Variants in BLOC1S3 observed in about 807,000 individuals in gnomAD.
The protein encoded by BLOC1S3 is biogenesis of lysosome-related organelles complex 1 subunit 3.
A neutral mutation model predicts 9.1 loss-of-function variants in BLOC1S3; 7 were observed. That is an observed-to-expected ratio of 0.77 (90% confidence interval 0.44 to 1.45). The LOEUF is 1.45. Among genes scored for constraint, BLOC1S3 ranks in the 40% most tolerant of loss-of-function variants. BLOC1S3 has a pLI of 0.01. For synonymous variants in BLOC1S3, 145 were observed against 158.4 expected (o/e 0.92, Z 0.64); for missense variants, 307 against 315.2 (o/e 0.97, Z 0.20).
chr19:45,203,049 C>T (rs968470623), intron 3 of BLOC1S3, among the ~76,000 whole-genome samples: 3 of 151,774 alleles, frequency 2.0e-5, no homozygotes, highest in South Asian at 2.1e-4. Flanking sequence ...CTTGACTTTT[C>T]GTCTCCTCTT....
chr19:45,197,117 C>T (rs905292220), intron 2 of BLOC1S3, among the ~76,000 whole-genome samples: 1 of 150,306 alleles, frequency 6.7e-6, no homozygotes, highest in East Asian at 2.0e-4. Flanking sequence ...TCCTTTACTC[C>T]CTTATGGCTG....
At position 45,181,134 on chromosome 19, in the gene BLOC1S3, C is replaced by T. The variant is rs1969515814; in HGVS notation, c.*1229C>T. The stretch of plus-strand genomic sequence containing the variant: ...CTCCTCCCCTTTGAGCTTAGCCCCG[C>T]CCTCTCAGCCTGATTTCTGTTTCCC... On this transcript the variant is annotated 3_prime_UTR_variant, in exon 2 of 2. Transcript: ENST00000433642. The T allele has an allele frequency of 6.0e-6, 1 of 167,602 alleles. No homozygotes were observed. Among genetic ancestry groups the T allele is most frequent in the Admixed American group, 6.5e-5 (1 of 15,294 alleles). The allele number at this position is 167,602 out of a possible 1,614,324, so 10.4% of individuals were successfully genotyped here. A position where few individuals can be genotyped will look rare whatever the true frequency, so the allele number is the denominator to read the frequency against.
chr19:45,195,567 C>CTCCCTCCT (rs1555753745), intron 2 of BLOC1S3, among the ~76,000 whole-genome samples: 5,429 of 130,018 alleles, frequency 0.042, 171 homozygotes, highest in Non-Finnish European at 0.065. Flanking sequence ...CCTTCCCTCC[C>CTCCCTCCT]TCCCTCCCTC....
chr19:45,209,296 A>G (rs1599757088), intron 3 of BLOC1S3, among the ~76,000 whole-genome samples: 1 of 151,988 alleles, frequency 6.6e-6, no homozygotes, highest in Non-Finnish European at 1.5e-5. Context: ...TGATCCGCCC[A>G]CCTTGGCCTC....
chr19:45,179,590 G>GGCCCCGGCGCCC lies in BLOC1S3; in HGVS notation c.300_311dup (p.Pro102_Ala105dup). ...CGGAGGAGGCCTGGGGCACGGAGGA[G>GGCCCCGGCGCCC]GCCCCGGCGCCCGCCCCCGCGCGCT... On this transcript the variant is annotated inframe_insertion, in exon 2 of 2. Coordinates refer to ENST00000433642, the MANE Select transcript of BLOC1S3 (RefSeq NM_212550.5). This position sits in a 1 kb window ranked among gnomAD's most constrained non-coding sequence, Gnocchi z 4.6. The GGCCCCGGCGCCC allele has an allele frequency of 1.3e-6, 2 of 1,483,080 alleles. No homozygotes were observed. The highest frequency in any genetic ancestry group is 1.8e-6 in the Non-Finnish European group (2 of 1,123,568). The allele number at this position is 1,483,080 out of a possible 1,614,324, so 91.9% of individuals were successfully genotyped here. A position where few individuals can be genotyped will look rare whatever the true frequency, so the allele number is the denominator to read the frequency against.
At chr19:45,188,654 C>T (rs1309648507) in intron 2 of BLOC1S3, among the ~76,000 whole-genome samples, 1 of 150,648 alleles carries the variant, frequency 6.6e-6, no homozygotes, top group Non-Finnish European at 1.5e-5. Flanking sequence ...CTCATTGCAA[C>T]CTGTGACTCC....
At chr19:45,196,456 C>G (rs1369151064) in intron 2 of BLOC1S3, among the ~76,000 whole-genome samples, 2 of 152,090 alleles carry the variant, frequency 1.3e-5, no homozygotes, top group Non-Finnish European at 2.9e-5. Flanking sequence ...TCTGACCCCT[C>G]TGGGTGGTCC....
At chr19:45,203,015 A>T (rs956085410) in intron 3 of BLOC1S3, among the ~76,000 whole-genome samples, 1 of 151,836 alleles carries the variant, frequency 6.6e-6, no homozygotes, top group African/African-American at 2.4e-5. Flanking sequence ...CTGAGCTGGT[A>T]TCCAAGTTGC....
intron 2 of BLOC1S3, among the ~76,000 whole-genome samples, chr19:45,188,732 C>T (rs1262735223): frequency 6.6e-6 from 1 of 151,838 alleles, no homozygotes; most frequent in African/African-American, 2.4e-5. Flanking sequence ...GCCCCCATGC[C>T]TGGCTAATTT....
rs536261489 is a variant in BLOC1S3 at position 45,213,240 on chromosome 19, G to A, written n.283-3436G>A. 13 of 1,613,148 alleles carry A rather than the reference G, an allele frequency of 8.1e-6. No homozygotes were observed. In the Admixed American group the frequency reaches 1.5e-4, roughly 19 times the overall value. On this transcript the variant is annotated intron_variant and non_coding_transcript_variant, in intron 3 of 3. Transcript: ENST00000591569. ...CTGCAAAGAAGGCACGGTCCCGAGG[G>A]GGTGACAGGGCTCCCTCCTCAGAGA... is the stretch of plus-strand genomic sequence containing the variant.
At chr19:45,185,973 C>A (rs945087979), downstream of BLOC1S3, among the ~76,000 whole-genome samples, 1 of 151,966 alleles carries the variant, frequency 6.6e-6, no homozygotes, top group African/African-American at 2.4e-5. Flanking sequence ...TCATTCTGGG[C>A]GTGGTGGTGT....
chr19:45,212,907 C>T, intron 3 of BLOC1S3: 1 of 777,206 alleles, frequency 1.3e-6, no homozygotes, highest in Non-Finnish European at 1.8e-6. Context: ...GCGTTTGTTT[C>T]CCTTCTGTAC....
chr19:45,182,519 C>G (rs933669141), downstream of BLOC1S3, among the ~76,000 whole-genome samples: 3 of 151,910 alleles, frequency 2.0e-5, no homozygotes, highest in Non-Finnish European at 2.9e-5. Flanking sequence ...AATACATTAG[C>G]CAGGCGTGGT....
chr19:45,183,524 G>T (rs983130039), downstream of BLOC1S3, among the ~76,000 whole-genome samples: 3 of 150,352 alleles, frequency 2.0e-5, no homozygotes, highest in Non-Finnish European at 4.4e-5. Context: ...CCTCCCTCCT[G>T]AGCACTCCCT....
In BLOC1S3 at chr19:45,179,445, G is replaced by T. The variant is rs1276561606; in HGVS notation, c.149G>T (p.Arg50Leu). ...YLGPSGPTRGRPTGLRVAGEA... is the reference protein window; with the variant it reads ...YLGPSGPTRGLPTGLRVAGEA... The stretch of plus-strand genomic sequence containing the variant: ...GGTCCTTCGGGCCCGACGCGCGGCC[G>T]CCCCACGGGGCTGCGGGTGGCTGGG... Residue 50 changes from arginine to leucine, a missense_variant, in exon 2 of 2, where the codon CGC (arginine) becomes CTC (leucine). Arg to Leu is a moderately radical substitution (Grantham distance 102). Coordinates refer to ENST00000433642, the MANE Select transcript of BLOC1S3 (RefSeq NM_212550.5). The surrounding 1 kb of genome is among the most constrained non-coding windows in gnomAD (Gnocchi z 4.6). 6.6e-7 allele frequency: 1 copy of T among 1,522,358 alleles called. No homozygotes were observed. The highest frequency in any genetic ancestry group is 8.8e-7 in the Non-Finnish European group (1 of 1,141,164). The allele number at this position is 1,522,358 out of a possible 1,614,324, so 94.3% of individuals were successfully genotyped here.
chr19:45,195,235 TCTCA>T (rs1365158988), intron 2 of BLOC1S3, among the ~76,000 whole-genome samples: 1 of 151,388 alleles, frequency 6.6e-6, no homozygotes, highest in Non-Finnish European at 1.5e-5. Flanking sequence ...TGAGGCAGGG[TCTCA>T]CTCTGCCACC....
At position 45,181,246 on chromosome 19, in the gene BLOC1S3, T is replaced by TC. The variant is rs935357148; in HGVS notation, c.*1345dup. ...CTCCCTGATCCTGGGGTCTGGGGACTCCCCATGGTTTCCTTCCTTCTGCAG... is the reference window on the plus strand; with the variant it reads ...CTCCCTGATCCTGGGGTCTGGGGACTCCCCCATGGTTTCCTTCCTTCTGCAG... On this transcript the variant is annotated 3_prime_UTR_variant, in exon 2 of 2. Transcript: ENST00000433642. The TC allele has an allele frequency of 6.0e-6, 1 of 167,206 alleles. No homozygotes were observed. Among genetic ancestry groups the TC allele is most frequent in the Non-Finnish European group, 1.5e-5 (1 of 68,216 alleles). 10.4% of individuals were successfully genotyped at this position (167,206 alleles called of 1,614,324 possible).
intron 3 of BLOC1S3, among the ~76,000 whole-genome samples, chr19:45,203,884 AAGCCCAT>A (rs753919655): frequency 1.4e-4 from 21 of 152,186 alleles, no homozygotes; most frequent in Non-Finnish European, 2.9e-4. Context: ...CTCACCCCAA[AAGCCCAT>A]TGGCTTAAAA....
intron 2 of BLOC1S3, among the ~76,000 whole-genome samples, chr19:45,202,252 C>T (rs1840474404): frequency 6.9e-6 from 1 of 145,282 alleles, no homozygotes; most frequent in Non-Finnish European, 1.5e-5. Context: ...TGCCTTTCAG[C>T]TTCTGCCATG....
Sources: gnomAD v4.1 joint callset for allele counts (sites outside exome capture counted in the v4.1 genomes callset) on GRCh38, gnomAD v4.1.1 for gene constraint, Gnocchi (gnomAD v3.1) non-coding constraint, MANE v1.5 for transcripts, NCBI Gene and HGNC (gene_info 2026-07-23, HGNC 2026-07-21) for gene names.